The following IQUB variants were observed in gnomAD, a reference collection of about 807,000 sequenced individuals.
IQUB encodes the protein IQ motif and ubiquitin-like domain-containing protein.
Under a neutral mutation model 86.4 loss-of-function variants are expected in IQUB, and 86 were observed. The ratio of observed to expected loss-of-function variants is 1.00; its 90% CI spans 0.84 to 1.19. IQUB has a LOEUF of 1.19. Ranked by LOEUF, IQUB falls within the 50% of genes most tolerant of loss-of-function variation. The pLI, the probability that IQUB is intolerant of heterozygous loss-of-function variation, is 0.00. For synonymous variants in IQUB, 289 were observed against 304.5 expected, an observed-to-expected ratio of 0.95 and a Z score of 0.53; for missense variants, 946 against 916.9, an observed-to-expected ratio of 1.03 and a Z score of -0.41.
At chr7:123,513,277 A>G (rs1422929256) in intron 1 of IQUB, among the ~76,000 whole-genome samples, 1 of 152,220 alleles carries the variant, frequency 6.6e-6, no homozygotes, top group Non-Finnish European at 1.5e-5. Context: ...ATAATTGTTT[A>G]TCTCAGTGAA....
At chr7:123,518,484 C>G (rs1391604692) in intron 1 of IQUB, among the ~76,000 whole-genome samples, 1 of 152,176 alleles carries the variant, frequency 6.6e-6, no homozygotes, top group Admixed American at 6.5e-5. Context: ...CCTAAATGAT[C>G]TAGCCCCTGC....
chr7:123,462,253 C>T (rs1405568162), intron 10 of IQUB, among the ~76,000 whole-genome samples: 3 of 151,564 alleles, frequency 2.0e-5, no homozygotes, highest in African/African-American at 7.3e-5. Context: ...CCTCTGGTTT[C>T]CATGAAAGTA....
chr7:123,512,280 C>A lies in IQUB; in HGVS notation c.61G>T (p.Asp21Tyr), dbSNP rs369841049. The A allele has an allele frequency of 3.0e-5, 49 of 1,610,998 alleles. No individual in the cohort carries two copies. The highest frequency in any genetic ancestry group is 4.2e-5 in the Non-Finnish European group (49 of 1,177,524). The change falls in exon 2 of 13, where the codon GAT becomes TAT. Residue 21 changes from aspartate (D) to tyrosine (Y), a missense_variant. Transcript: ENST00000324698. ...QNIVNSTEES[D>Y]DAFDTVTIPV... ...ATAGTGACAGTATCAAAAGCATCAT[C>A]ACTCTCTTCTGTTGAATTGACTATA... is the stretch of plus-strand genomic sequence containing the variant.
At chr7:123,532,091 G>A (rs1227870111) in intron 1 of IQUB, among the ~76,000 whole-genome samples, 2 of 152,218 alleles carry the variant, frequency 1.3e-5, no homozygotes, top group Admixed American at 1.3e-4. Flanking sequence ...TGATAAAAGT[G>A]TGGCACAAAA....
intron 1 of IQUB, among the ~76,000 whole-genome samples, chr7:123,518,979 C>T (rs61264962): frequency 0.25 from 38,628 of 151,928 alleles, 5,187 homozygotes; most frequent in East Asian, 0.33. Context: ...TCAAATACCC[C>T]CTAATTTATT....
At chr7:123,522,550 G>A (rs964114997) in intron 1 of IQUB, among the ~76,000 whole-genome samples, 4 of 152,152 alleles carry the variant, frequency 2.6e-5, no homozygotes, top group African/African-American at 9.6e-5. Context: ...AAAGTACTTA[G>A]CAAACAGTGC....
At chr7:123,517,404 G>A (rs1051272113) in intron 1 of IQUB, among the ~76,000 whole-genome samples, 3 of 151,404 alleles carry the variant, frequency 2.0e-5, no homozygotes, top group African/African-American at 4.9e-5. Flanking sequence ...TGTGGCAGGC[G>A]CCTGTAGTCC....
intron 7 of IQUB, among the ~76,000 whole-genome samples, chr7:123,485,367 A>G (rs550419451): frequency 3.3e-5 from 5 of 152,094 alleles, no homozygotes; most frequent in Admixed American, 2.6e-4. Context: ...GTATGACCTC[A>G]TTTTTTCTTA....
At chr7:123,493,623 A>G (rs1366012715) in intron 7 of IQUB, among the ~76,000 whole-genome samples, 5 of 152,092 alleles carry the variant, frequency 3.3e-5, no homozygotes, top group Non-Finnish European at 7.4e-5. Context: ...TTAAAATGGT[A>G]CAACCTCTAA....
chr7:123,500,614 G>T (rs549300720), intron 6 of IQUB, among the ~76,000 whole-genome samples: 168 of 152,040 alleles, frequency 1.1e-3, no homozygotes, highest in African/African-American at 4.0e-3. Flanking sequence ...CTTATTAAAC[G>T]GAAATGTACT....
Position 123,457,501 on chromosome 7 carries a change from G to A in IQUB, c.2073C>T (p.Asp691=). The stretch of plus-strand genomic sequence containing the variant: ...TGACCATGACCAGATCACTGAGATT[G>A]TCGCAAGCACTGAGGACTGACTGGG... ...WASQSVLSAC[D]NLSDLVMVRW... Residue 691 remains aspartate, a synonymous_variant, in exon 12 of 13, where the codon GAC becomes GAT. Coordinates refer to ENST00000324698, the MANE Select transcript of IQUB (RefSeq NM_178827.5). 1 of 1,611,476 alleles carries A rather than the reference G, an allele frequency of 6.2e-7. No homozygotes were observed. Among genetic ancestry groups the A allele is most frequent in the Non-Finnish European group, 8.5e-7 (1 of 1,178,882 alleles).
intron 12 of IQUB, chr7:123,457,132 T>C: frequency 1.0e-6 from 1 of 967,126 alleles, no homozygotes. Context: ...TGGAATGTGC[T>C]TAAACTTACT....
intron 9 of IQUB, 109 bp from the exon 10 acceptor site, chr7:123,465,118 T>C (rs1794186881): frequency 1.4e-6 from 1 of 709,164 alleles, no homozygotes; most frequent in Non-Finnish European, 2.4e-6. Flanking sequence ...AAATGAAACA[T>C]TGTCAATAGG....
At chr7:123,528,187 A>G (rs752112962) in intron 1 of IQUB, among the ~76,000 whole-genome samples, 11 of 152,078 alleles carry the variant, frequency 7.2e-5, no homozygotes, top group South Asian at 2.1e-4. Context: ...CGCACGGTGC[A>G]CGCACCCACT....
At chr7:123,472,493 C>A (rs903845276) in intron 8 of IQUB, among the ~76,000 whole-genome samples, 1 of 152,000 alleles carries the variant, frequency 6.6e-6, no homozygotes, top group Admixed American at 6.6e-5. Flanking sequence ...AAGATGAGTA[C>A]GCTTGATGAC....
At chr7:123,491,937 G>C (rs1051428973) in intron 7 of IQUB, among the ~76,000 whole-genome samples, 2 of 152,194 alleles carry the variant, frequency 1.3e-5, no homozygotes, top group African/African-American at 4.8e-5. Flanking sequence ...AATCAAGTCT[G>C]ACAATACATA....
rs919418152 is a variant in IQUB, at chr7:123,479,827, G to A, written c.1378C>T (p.Gln460Ter). The change falls in exon 8 of 13, where the codon CAG becomes TAG. Residue 460 changes from glutamine to a stop codon, truncating the protein, a stop_gained. Coordinates refer to ENST00000324698, the MANE Select transcript of IQUB (RefSeq NM_178827.5). LOFTEE classifies it high-confidence loss of function. ...AAAAAAGCTTGTATTGCTGCTTCCT[G>A]ATTTGCCATATAAGCAATGTATCTA... ...RHRYIAYMAN[Q>*]EAAIQAFLDK... The A allele has an allele frequency of 3.1e-6, 5 of 1,612,194 alleles. No homozygotes were observed. The highest frequency in any genetic ancestry group is 3.4e-6 in the Non-Finnish European group (4 of 1,179,136).
rs547482499 is a variant in IQUB, at chr7:123,492,250, A to G, written c.1234+4446T>C. ...GGACTACGAACTTAACAAAGATACA[A>G]AGGCAATGCAATGGAGAAATGACAG... On this transcript the variant is annotated intron_variant, in intron 7 of 12. Coordinates refer to ENST00000324698, the MANE Select transcript of IQUB (RefSeq NM_178827.5). Among the ~76,000 whole-genome samples the G allele has an allele frequency of 4.6e-4, 70 of 152,360 alleles. No individual in the cohort carries two copies. In the South Asian group the frequency reaches 0.014, roughly 31 times the overall value.
At chr7:123,499,317 C>CGAGCT (rs1284607319) in intron 6 of IQUB, among the ~76,000 whole-genome samples, 1 of 151,944 alleles carries the variant, frequency 6.6e-6, no homozygotes, top group Non-Finnish European at 1.5e-5. Context: ...ACCAAGTTGC[C>CGAGCT]GAGCTTGGTC....
Sources: allele counts gnomAD v4.1 joint callset (sites outside exome capture counted in the v4.1 genomes callset), GRCh38; gene constraint gnomAD v4.1.1; transcripts MANE v1.5; gene names NCBI Gene and HGNC (gene_info 2026-07-23, HGNC 2026-07-21).